RARB: variants seen among roughly 807,000 people sequenced by gnomAD.
The protein encoded by RARB is retinoic acid receptor beta, also known as HBV-activated protein.
A neutral mutation model predicts 51.9 loss-of-function variants in RARB; 17 were observed. The ratio of observed to expected loss-of-function variants is 0.33; its 90% confidence interval spans 0.22 to 0.49. The LOEUF (loss-of-function observed/expected upper bound fraction) is 0.49, where lower values mean the gene tolerates loss of function less well. Among genes scored for constraint, RARB ranks in the 20% least tolerant of loss-of-function variants. RARB has a pLI of 0.99. For missense variants in RARB, 369 were observed against 550.8 expected (o/e 0.67, Z 3.30); for synonymous variants, 215 against 195.4 (o/e 1.10, Z -0.84).
At chr3:25,506,383 A>C (rs1296969910) in intron 3 of RARB, among the ~76,000 whole-genome samples, 1 of 151,860 alleles carries the variant, frequency 6.6e-6, no homozygotes, top group Non-Finnish European at 1.5e-5. Context: ...AGATGGGAGG[A>C]TCTCTTGAGC....
chr3:25,525,767 A>T (rs1698618217), intron 3 of RARB, among the ~76,000 whole-genome samples: 2 of 151,756 alleles, frequency 1.3e-5, no homozygotes, highest in African/African-American at 4.9e-5. Flanking sequence ...GAAGCTGAGC[A>T]TCATGGAGGT....
At chr3:24,948,697 G>A (rs567666945) in intron 2 of RARB, among the ~76,000 whole-genome samples, 3 of 152,120 alleles carry the variant, frequency 2.0e-5, no homozygotes, top group Non-Finnish European at 4.4e-5. Context: ...ATTGGATCGT[G>A]GGGGCAGATC....
chr3:25,268,212 C>G (rs1026299352), intron 5 of RARB, among the ~76,000 whole-genome samples: 1 of 152,108 alleles, frequency 6.6e-6, no homozygotes, highest in Non-Finnish European at 1.5e-5. Context: ...TTGGTGACTA[C>G]CACTGATACT....
At chr3:25,581,925 C>T (rs955905172) in intron 5 of RARB, among the ~76,000 whole-genome samples, 1 of 152,142 alleles carries the variant, frequency 6.6e-6, no homozygotes, top group Admixed American at 6.5e-5. Context: ...GGCCAGGTCT[C>T]TGTTACAGTA....
At chr3:24,857,442 T>C (rs565352973) in intron 1 of RARB, among the ~76,000 whole-genome samples, 31 of 152,370 alleles carry the variant, frequency 2.0e-4, no homozygotes, top group African/African-American at 7.2e-4. Context: ...GAATTTTTGA[T>C]ACACAACAAA....
chr3:25,282,635 G>A (rs571722437), intron 5 of RARB, among the ~76,000 whole-genome samples: 59 of 152,266 alleles, frequency 3.9e-4, no homozygotes, highest in Admixed American at 9.2e-4. Flanking sequence ...TTTGCTGAGT[G>A]GATCACGCGC....
rs141442400 is a variant in RARB, at chr3:25,420,063, A to C, written c.179-41130A>C. On this transcript the variant is annotated intron_variant, in intron 5 of 11. Transcript: ENST00000383772. ...AGAAAAACTATTTTTTTAACCAAAA[A>C]TACTTAACATTGTATTCACATTACC... 1.8e-3 allele frequency among the ~76,000 whole-genome samples: 269 copies of C among 152,250 alleles called. 2 individuals carry two copies. The highest frequency in any genetic ancestry group is 5.9e-3 in the African/African-American group (245 of 41,542).
chr3:25,312,397 A>T (rs1704312423), intron 5 of RARB, among the ~76,000 whole-genome samples: 1 of 152,116 alleles, frequency 6.6e-6, no homozygotes, highest in African/African-American at 2.4e-5. Flanking sequence ...GATTTTGAGA[A>T]GTTAAAGGAC....
chr3:25,313,773 G>T (rs141922124), intron 5 of RARB, among the ~76,000 whole-genome samples: 26 of 152,058 alleles, frequency 1.7e-4, no homozygotes, highest in African/African-American at 5.5e-4. Context: ...TATTTTCTAC[G>T]AGAAAAAAAT....
chr3:25,406,726 A>G (rs1864906), intron 5 of RARB, among the ~76,000 whole-genome samples: 135,227 of 152,252 alleles, frequency 0.89, 60,272 homozygotes, highest in East Asian at 1. Flanking sequence ...CCATAATGGG[A>G]ATGAAGGGAG....
chr3:24,932,690 C>T (rs1052494854), intron 2 of RARB, among the ~76,000 whole-genome samples: 13 of 152,070 alleles, frequency 8.5e-5, no homozygotes, highest in African/African-American at 2.7e-4. Flanking sequence ...GCATTGCTTT[C>T]AACAAGTTAT....
intron 5 of RARB, among the ~76,000 whole-genome samples, chr3:25,248,816 T>C (rs374391428): frequency 3.2e-4 from 49 of 152,356 alleles, no homozygotes; most frequent in African/African-American, 1.1e-3. Flanking sequence ...TTAGTCTGGT[T>C]GGGGTTCCCT....
intron 7 of RARB, among the ~76,000 whole-genome samples, chr3:25,595,271 C>G (rs1701773421): frequency 1.3e-5 from 2 of 152,110 alleles, no homozygotes; most frequent in Non-Finnish European, 2.9e-5. Context: ...GACAACTCAG[C>G]AGCTATCCCT....
At chr3:24,993,734 G>A (rs1373756116) in intron 2 of RARB, among the ~76,000 whole-genome samples, 4 of 151,762 alleles carry the variant, frequency 2.6e-5, no homozygotes, top group Non-Finnish European at 5.9e-5. Flanking sequence ...AAATTTTTTA[G>A]CTTTTGCCTG....
intron 3 of RARB, among the ~76,000 whole-genome samples, chr3:25,552,351 A>G (rs1699883002): frequency 6.6e-6 from 1 of 152,122 alleles, no homozygotes; most frequent in Admixed American, 6.6e-5. Context: ...ACAACCTTAA[A>G]TGCATGCACA....
At chr3:25,093,402 C>T (rs966928061) in intron 3 of RARB, among the ~76,000 whole-genome samples, 1 of 152,118 alleles carries the variant, frequency 6.6e-6, no homozygotes, top group African/African-American at 2.4e-5. Context: ...TCCCATCTAG[C>T]CTTTAGCCTC....
intron 2 of RARB, among the ~76,000 whole-genome samples, chr3:25,050,101 A>G (rs1380550715): frequency 6.6e-6 from 1 of 152,222 alleles, no homozygotes; most frequent in African/African-American, 2.4e-5. Flanking sequence ...GGAAACGTGG[A>G]AAAGCATATG....
intron 1 of RARB, among the ~76,000 whole-genome samples, chr3:25,442,379 C>G (rs1435411878): frequency 2.6e-5 from 4 of 152,124 alleles, no homozygotes; most frequent in African/African-American, 9.7e-5. Context: ...CATGATCCAC[C>G]CGCCTCGATC....
intron 5 of RARB, among the ~76,000 whole-genome samples, chr3:25,208,964 C>A (rs764520329): frequency 6.6e-6 from 1 of 152,136 alleles, no homozygotes. Flanking sequence ...AGCAGACTAC[C>A]CTGGGTCTAG....
Sources: allele counts gnomAD v4.1 joint callset (sites outside exome capture counted in the v4.1 genomes callset), GRCh38; gene constraint gnomAD v4.1.1; transcripts MANE v1.5; gene names NCBI Gene and HGNC (gene_info 2026-07-23, HGNC 2026-07-21).